The following FGFR1 variants were observed in gnomAD, a reference collection of about 807,000 sequenced individuals.
FGFR1 encodes the protein FGFR1/PLAG1 fusion.
A neutral mutation model predicts 93.7 loss-of-function variants in FGFR1; 18 were observed. The ratio of observed to expected loss-of-function variants is 0.19; its 90% confidence interval spans 0.13 to 0.28. The LOEUF is 0.28. Among genes scored for constraint, FGFR1 ranks in the 10% least tolerant of loss-of-function variants. The pLI is 1.00. For synonymous variants in FGFR1, 448 were observed against 429.3 expected (o/e 1.04, Z -0.54); for missense variants, 731 against 1,080.4 (o/e 0.68, Z 4.53).
In FGFR1 at chr8:38,427,924, G is replaced by A. The variant is rs2150909450; in HGVS notation, c.618C>T (p.Tyr206=). The change falls in exon 5 of 18, where the codon TAC becomes TAT. Residue 206 remains tyrosine (Y), a synonymous_variant. Transcript: ENST00000447712. ...TTTCGCATGCACACACACGTACCTTGTAGCCTCCAATTCTGTGGTCAGGTT... is the reference window on the plus strand; with the variant it reads ...TTTCGCATGCACACACACGTACCTTATAGCCTCCAATTCTGTGGTCAGGTT... The part of the protein sequence containing the change: ...EFKPDHRIGG[Y]KVRYATWSII... The A allele has an allele frequency of 6.2e-7, 1 of 1,614,238 alleles. No individual in the cohort carries two copies. The highest frequency in any genetic ancestry group is 1.1e-5 in the South Asian group (1 of 91,088).
rs1815269052 is a variant in FGFR1 at position 38,413,858 on chromosome 8, G to T, written c.2293-54C>A. The stretch of plus-strand genomic sequence containing the variant: ...GGCCGGGCCCCTCCTCCCTGCTCAG[G>T]GAGGTGCGTGCACGCAGTGGGGACG... On this transcript the variant is annotated intron_variant, in intron 17 of 17. Coordinates refer to ENST00000447712, the MANE Select transcript of FGFR1 (RefSeq NM_023110.3). The surrounding 1 kb of genome is among the most constrained non-coding windows in gnomAD (Gnocchi z 4.2). 1.2e-6 allele frequency: 2 copies of T among 1,613,530 alleles called. No homozygotes were observed. Among genetic ancestry groups the T allele is most frequent in the Non-Finnish European group, 1.7e-6 (2 of 1,179,622 alleles).
rs374497960 is a variant in FGFR1, at chr8:38,424,252, G to A, written c.936+257C>T. The A allele has an allele frequency of 1.6e-5, 10 of 640,896 alleles. No homozygotes were observed. The highest frequency in any genetic ancestry group is 2.4e-5 in the Non-Finnish European group (8 of 339,016). 39.7% of individuals were successfully genotyped at this position (640,896 alleles called of 1,614,324 possible). A position where few individuals can be genotyped will look rare whatever the true frequency, so the allele number is the denominator to read the frequency against. On this transcript the variant is annotated intron_variant, in intron 7 of 17. Coordinates refer to ENST00000447712, the MANE Select transcript of FGFR1 (RefSeq NM_023110.3). The surrounding 1 kb of genome is among the most constrained non-coding windows in gnomAD (Gnocchi z 4.3). Reference sequence around the variant, plus strand: ...TAGCTGACCCCAAAGCCCCAGTGACGTTGCTCTCAAAGCTTATTACAGACC... The same window carrying A: ...TAGCTGACCCCAAAGCCCCAGTGACATTGCTCTCAAAGCTTATTACAGACC...
chr8:38,466,682 C>CT (rs1835587574), intron 1 of FGFR1: 1 of 221,398 alleles, frequency 4.5e-6, no homozygotes, highest in South Asian at 1.8e-4. Flanking sequence ...GCTGAAGAAT[C>CT]TGAGTTTTAA....
chr8:38,414,121 C>T (rs1357223054), intron 16 of FGFR1, 31 bp downstream of exon 16: 1 of 1,614,178 alleles, frequency 6.2e-7, no homozygotes, highest in Non-Finnish European at 8.5e-7. Flanking sequence ...CAAGGCCTGG[C>T]TCAGGGCCTC....
In FGFR1 at chr8:38,419,561, T is replaced by C. The variant is rs1232639613; in HGVS notation, c.1256A>G (p.Lys419Arg). The change falls in exon 9 of 18, where the codon AAG becomes AGG. Residue 419 changes from lysine (K) to arginine (R), a missense_variant. By Grantham distance (26) the Lys-to-Arg change is conservative. Around this residue, in one of 10 missense-constraint regions of FGFR1, gnomAD observed 146 missense variants for 173.0 expected, o/e 0.84. Transcript: ENST00000447712. The stretch of plus-strand genomic sequence containing the variant: ...TACCTGTCTGCGCAGAGGGATGCTC[T>C]TGGCCAGCTTGTGCACAGCCATCTG... ...HSQMAVHKLA[K>R]SIPLRRQVTV... 6.2e-7 allele frequency: 1 copy of C among 1,614,178 alleles called. No individual in the cohort carries two copies. The highest frequency in any genetic ancestry group is 2.2e-5 in the East Asian group (1 of 44,870).
chr8:38,437,758 C>G (rs1825925995), intron 2 of FGFR1, among the ~76,000 whole-genome samples: 1 of 152,154 alleles, frequency 6.6e-6, no homozygotes, highest in African/African-American at 2.4e-5. Flanking sequence ...ACAGAGCCAC[C>G]AAAGATATCC....
intron 1 of FGFR1, chr8:38,458,937 G>A: frequency 4.6e-6 from 1 of 218,814 alleles, no homozygotes; most frequent in African/African-American, 2.2e-5. Context: ...GAGTCCAGAA[G>A]TTGCGGGGGG....
chr8:38,422,345 C>T, intron 7 of FGFR1: 2 of 432,058 alleles, frequency 4.6e-6, no homozygotes, highest in South Asian at 4.5e-5. Flanking sequence ...CACACGCATA[C>T]ACACACGCAC....
intron 11 of FGFR1, 189 bp from the exon 12 acceptor site, chr8:38,417,605 C>A: frequency 1.4e-6 from 1 of 722,662 alleles, no homozygotes. Flanking sequence ...AGTGAGTGGG[C>A]AGGGATGTGG....
Position 38,412,980 on chromosome 8 carries a change from C to T in FGFR1, c.*648G>A. 1 of 233,474 alleles carries T rather than the reference C, an allele frequency of 4.3e-6. No individual in the cohort carries two copies. Among genetic ancestry groups the T allele is most frequent in the East Asian group, 6.0e-5 (1 of 16,546 alleles). The allele number at this position is 233,474 out of a possible 1,614,324, so 14.5% of individuals were successfully genotyped here. On this transcript the variant is annotated 3_prime_UTR_variant, in exon 18 of 18. Transcript: ENST00000447712. Reference sequence around the variant, plus strand: ...GTAAATATATACTCAGATTTATACACTTTGTGTTTTCTTCATAGCTATATA... The same window carrying T: ...GTAAATATATACTCAGATTTATACATTTTGTGTTTTCTTCATAGCTATATA...
chr8:38,421,690 A>G lies in FGFR1; in HGVS notation c.1081+107T>C, dbSNP rs746681188. 2.5e-6 allele frequency: 3 copies of G among 1,216,858 alleles called. No homozygotes were observed. The South Asian group carries it at 3.7e-5, about 15-fold the overall frequency. 75.4% of individuals were successfully genotyped at this position (1,216,858 alleles called of 1,614,324 possible). A position where few individuals can be genotyped will look rare whatever the true frequency, so the allele number is the denominator to read the frequency against. ...TGTGGCACCAGGCAGGCAGGAGCCCATTCTTCCAGCTCTCCTGCCTCTGTG... is the reference window on the plus strand; with the variant it reads ...TGTGGCACCAGGCAGGCAGGAGCCCGTTCTTCCAGCTCTCCTGCCTCTGTG... On this transcript the variant is annotated intron_variant, in intron 8 of 17. Transcript: ENST00000447712.
chr8:38,449,485 T>C (rs945034078), intron 2 of FGFR1, among the ~76,000 whole-genome samples: 7 of 152,250 alleles, frequency 4.6e-5, no homozygotes, highest in Non-Finnish European at 1.0e-4. Flanking sequence ...CTGAATTCAA[T>C]GTTCACTGTT....
intron 2 of FGFR1, among the ~76,000 whole-genome samples, chr8:38,442,716 G>T (rs1248697148): frequency 6.6e-6 from 1 of 152,114 alleles, no homozygotes; most frequent in African/African-American, 2.4e-5. Context: ...AGCAGAAATT[G>T]TATGGGGAAG....
At chr8:38,452,997 A>T (rs533911752) in intron 2 of FGFR1, among the ~76,000 whole-genome samples, 4 of 152,284 alleles carry the variant, frequency 2.6e-5, no homozygotes, top group South Asian at 2.1e-4. Context: ...TTAATTAATT[A>T]AAAAATATCA....
chr8:38,446,684 C>T (rs564644285), intron 2 of FGFR1, among the ~76,000 whole-genome samples: 1 of 152,234 alleles, frequency 6.6e-6, no homozygotes, highest in Non-Finnish European at 1.5e-5. Flanking sequence ...GCTGGGATTA[C>T]AGGTGTGAGC....
Position 38,412,424 on chromosome 8 carries a change from G to A in FGFR1, c.*1204C>T, listed in dbSNP as rs1458235863. The stretch of plus-strand genomic sequence containing the variant: ...GCCCCCTCCCCAGCCCAACCCCACC[G>A]GTTTCCTTGGAGGAAACCATCCATG... On this transcript the variant is annotated 3_prime_UTR_variant, in exon 18 of 18. Coordinates refer to ENST00000447712, the MANE Select transcript of FGFR1 (RefSeq NM_023110.3). 4.0e-5 allele frequency: 9 copies of A among 225,304 alleles called. No individual in the cohort carries two copies. The highest frequency in any genetic ancestry group is 5.7e-5 in the Admixed American group (1 of 17,512). The allele number at this position is 225,304 out of a possible 1,614,324, so 14.0% of individuals were successfully genotyped here. A position where few individuals can be genotyped will look rare whatever the true frequency, so the allele number is the denominator to read the frequency against.
rs1484524877 is a variant in FGFR1, at chr8:38,415,957, G to A, written c.1767C>T (p.His589=). 1 of 1,614,142 alleles carries A rather than the reference G, an allele frequency of 6.2e-7. No individual in the cohort carries two copies. ...TGGAGGAGAGCTGCTCCTCTGGGTT[G>A]TGGCTGGGGTTGTAGCAGTATTCCA... ...PGLEYCYNPS[H]NPEEQLSSKD... Residue 589 remains histidine (H), a synonymous_variant, in exon 13 of 18, where the codon CAC becomes CAT. Coordinates refer to ENST00000447712, the MANE Select transcript of FGFR1 (RefSeq NM_023110.3).
chr8:38,413,559 G>T lies in FGFR1; in HGVS notation c.*69C>A. 1 of 1,501,402 alleles carries T rather than the reference G, an allele frequency of 6.7e-7. No homozygotes were observed. Among genetic ancestry groups the T allele is most frequent in the Non-Finnish European group, 9.0e-7 (1 of 1,109,546 alleles). The allele number at this position is 1,501,402 out of a possible 1,614,324, so 93.0% of individuals were successfully genotyped here. A position where few individuals can be genotyped will look rare whatever the true frequency, so the allele number is the denominator to read the frequency against. Reference sequence around the variant, plus strand: ...AGGGGACAGGGACGGACAGGTGGTGGGCCCAGCAGGGGCTGTGGGTGAGGG... The same window carrying T: ...AGGGGACAGGGACGGACAGGTGGTGTGCCCAGCAGGGGCTGTGGGTGAGGG... On this transcript the variant is annotated 3_prime_UTR_variant, in exon 18 of 18. Transcript: ENST00000447712. This position sits in a 1 kb window ranked among gnomAD's most constrained non-coding sequence, Gnocchi z 4.2.
chr8:38,454,546 C>T (rs1414458910), intron 2 of FGFR1, among the ~76,000 whole-genome samples: 1 of 152,166 alleles, frequency 6.6e-6, no homozygotes, highest in Non-Finnish European at 1.5e-5. Flanking sequence ...AGTGTCTTTA[C>T]TACTTTTTCC....
Sources: gnomAD v4.1 joint callset for allele counts (sites outside exome capture counted in the v4.1 genomes callset) on GRCh38, gnomAD v4.1.1 for gene constraint, gnomAD v4.1.1 regional missense constraint, Gnocchi (gnomAD v3.1) non-coding constraint, MANE v1.5 for transcripts, NCBI Gene and HGNC (gene_info 2026-07-23, HGNC 2026-07-21) for gene names.